Variants in TEX264 observed in about 807,000 individuals in gnomAD.
TEX264 encodes testis-expressed protein 264.
In TEX264, 13 loss-of-function variants were observed where a neutral mutation model predicts 23.4. The ratio of observed to expected loss-of-function variants is 0.56; its 90% CI spans 0.36 to 0.88. TEX264 has a LOEUF of 0.88. Among genes scored for constraint, TEX264 ranks in the 40% least tolerant of loss-of-function variants. The pLI is 0.01. For synonymous variants in TEX264, 159 were observed against 170.0 expected (o/e 0.94, Z 0.50); for missense variants, 340 against 406.8 (o/e 0.84, Z 1.41).
At chr3:51,680,061 C>T (rs1301717916) in intron 2 of TEX264, among the ~76,000 whole-genome samples, 2 of 152,146 alleles carry the variant, frequency 1.3e-5, no homozygotes, top group Non-Finnish European at 2.9e-5. Context: ...AATGAAGGGC[C>T]CTGCCTCTAC....
intron 3 of TEX264, 120 bp from the exon 4 acceptor site, chr3:51,699,286 T>G (rs1273847784): frequency 5.7e-6 from 6 of 1,049,042 alleles, no homozygotes; most frequent in Non-Finnish European, 7.0e-6. Context: ...TGGAAGAGGT[T>G]GAGAGGCAGA....
chr3:51,699,627 G>A, intron 4 of TEX264, 53 bp downstream of exon 4: 8 of 1,589,298 alleles, frequency 5.0e-6, no homozygotes, highest in Non-Finnish European at 6.9e-6. Context: ...CTCTCTTCTG[G>A]ACTCCAGGGG....
chr3:51,676,595 C>T (rs1260194501), intron 2 of TEX264, among the ~76,000 whole-genome samples: 3 of 152,236 alleles, frequency 2.0e-5, no homozygotes, highest in African/African-American at 7.2e-5. Flanking sequence ...CATCACTGTC[C>T]TGCTGAGTGA....
chr3:51,675,388 C>G (rs1019711506), intron 2 of TEX264, among the ~76,000 whole-genome samples: 6 of 152,142 alleles, frequency 3.9e-5, no homozygotes, highest in Admixed American at 2.6e-4. Context: ...ATTTGGAATC[C>G]CCAGCTCTGA....
Position 51,689,939 on chromosome 3 carries a change from G to A in TEX264, c.480+5305G>A, listed in dbSNP as rs566466821. Reference sequence around the variant, plus strand: ...AGCTGCAGGTTGGAGTTCTCCTGGGGTGGTGGTGACTGAACTCCTGAGTGG... The same window carrying A: ...AGCTGCAGGTTGGAGTTCTCCTGGGATGGTGGTGACTGAACTCCTGAGTGG... On this transcript the variant is annotated intron_variant, in intron 3 of 4. Transcript: ENST00000341333. Among the ~76,000 whole-genome samples, 63 of 152,306 alleles carry A rather than the reference G, an allele frequency of 4.1e-4. No individual in the cohort carries two copies. In the South Asian group the frequency reaches 4.4e-3, roughly 11 times the overall value.
In TEX264 at chr3:51,691,272, G is replaced by A. The variant is rs1169384425; in HGVS notation, c.480+6638G>A. ...TCCACACCCTCAGTGAGGCAGAGGCGGTTCTATTCCCAGGCTTCCCTCCCT... is the reference window on the plus strand; with the variant it reads ...TCCACACCCTCAGTGAGGCAGAGGCAGTTCTATTCCCAGGCTTCCCTCCCT... On this transcript the variant is annotated intron_variant, in intron 3 of 4. Coordinates refer to ENST00000341333, the MANE Select transcript of TEX264 (RefSeq NM_015926.6). This position sits in a 1 kb window ranked among gnomAD's most constrained non-coding sequence, Gnocchi z 4.4. Among the ~76,000 whole-genome samples, 1 of 152,200 alleles carries A rather than the reference G, an allele frequency of 6.6e-6. No individual in the cohort carries two copies. The highest frequency in any genetic ancestry group is 2.1e-4 in the South Asian group (1 of 4,836).
At chr3:51,694,119 C>CCTTT (rs1171364638) in intron 3 of TEX264, among the ~76,000 whole-genome samples, 5 of 148,556 alleles carry the variant, frequency 3.4e-5, no homozygotes, top group Non-Finnish European at 7.5e-5. Context: ...TTCCTTCCTT[C>CCTTT]CTTCCTTCCT....
chr3:51,695,063 G>T (rs974831988), intron 3 of TEX264, among the ~76,000 whole-genome samples: 2 of 152,222 alleles, frequency 1.3e-5, no homozygotes, highest in African/African-American at 4.8e-5. Flanking sequence ...CTGTGTGCAG[G>T]CAGGTGCATG....
intron 2 of TEX264, among the ~76,000 whole-genome samples, chr3:51,679,079 G>A (rs1250517977): frequency 6.6e-6 from 1 of 152,182 alleles, no homozygotes; most frequent in African/African-American, 2.4e-5. Flanking sequence ...TTGAGGTGAG[G>A]TGAGACGAGG....
chr3:51,693,572 C>T (rs543524657), intron 3 of TEX264, among the ~76,000 whole-genome samples: 7 of 151,800 alleles, frequency 4.6e-5, no homozygotes, highest in African/African-American at 1.2e-4. Context: ...CTCTGCCTCC[C>T]GGATTCAAGC....
intron 3 of TEX264, 22 bp from the exon 4 acceptor site, chr3:51,699,384 C>A: frequency 6.2e-7 from 1 of 1,611,384 alleles, no homozygotes; most frequent in East Asian, 2.2e-5. Context: ...GCTCATTCTA[C>A]CTTTTGCCAC....
chr3:51,703,979 T>A lies in TEX264; in HGVS notation c.905T>A (p.Leu302His), dbSNP rs61737032. 1 of 1,555,116 alleles carries A rather than the reference T, an allele frequency of 6.4e-7. No individual in the cohort carries two copies. The highest frequency in any genetic ancestry group is 2.3e-5 in the East Asian group (1 of 43,986). The change falls in exon 5 of 5, where the codon CTC (leucine) becomes CAC (histidine). Residue 302 changes from leucine (L) to histidine (H), a missense_variant. By Grantham distance (99) the Leu-to-His change is moderately conservative. Coordinates refer to ENST00000341333, the MANE Select transcript of TEX264 (RefSeq NM_015926.6). This position sits in a 1 kb window ranked among gnomAD's most constrained non-coding sequence, Gnocchi z 4.8. The part of the protein sequence containing the change: ...GTEPLGTTKW[L>H]WEPTAPEKGK... ...GAGCCCCTGGGGACTACCAAGTGGC[T>A]CTGGGAGCCCACTGCCCCTGAGAAG...
Position 51,674,281 on chromosome 3 carries a change from G to C in TEX264, c.-24G>C. Reference sequence around the variant, plus strand: ...CTTTCTCCTTTGCAGCTGCCTTGAGGTGCAGTGTTGGGGATCCAGAGCCAT... The same window carrying C: ...CTTTCTCCTTTGCAGCTGCCTTGAGCTGCAGTGTTGGGGATCCAGAGCCAT... On this transcript the variant is annotated 5_prime_UTR_variant, in exon 2 of 5. Coordinates refer to ENST00000341333, the MANE Select transcript of TEX264 (RefSeq NM_015926.6). 2 of 1,613,552 alleles carry C rather than the reference G, an allele frequency of 1.2e-6. No individual in the cohort carries two copies. Among genetic ancestry groups the C allele is most frequent in the Non-Finnish European group, 1.7e-6 (2 of 1,179,478 alleles).
chr3:51,699,699 A>T (rs1703212640), intron 4 of TEX264, 125 bp downstream of exon 4: 1 of 1,159,662 alleles, frequency 8.6e-7, no homozygotes. Context: ...TATGCTTGGC[A>T]GAGGGAGGAA....
Position 51,704,223 on chromosome 3 carries a change from C to A in TEX264, c.*207C>A. The A allele has an allele frequency of 2.3e-6, 1 of 428,026 alleles. No homozygotes were observed. Among genetic ancestry groups the A allele is most frequent in the Non-Finnish European group, 4.0e-6 (1 of 252,442 alleles). The allele number at this position is 428,026 out of a possible 1,614,324, so 26.5% of individuals were successfully genotyped here. A position where few individuals can be genotyped will look rare whatever the true frequency, so the allele number is the denominator to read the frequency against. On this transcript the variant is annotated 3_prime_UTR_variant, in exon 5 of 5. Transcript: ENST00000341333. ...AGGAGCCAGGGACTATTTTCTGCAC[C>A]AGCCCCCAGGGCTGCCACCCCTGTT...
chr3:51,696,682 CA>C, intron 3 of TEX264, among the ~76,000 whole-genome samples: 1 of 152,220 alleles, frequency 6.6e-6, no homozygotes, highest in Non-Finnish European at 1.5e-5. Flanking sequence ...CAGGAAGGGC[CA>C]GGGGGCAACT....
rs567110581 is a variant in TEX264, at chr3:51,674,439, C to T, written c.135C>T (p.Asn45=). The T allele has an allele frequency of 1.3e-5, 21 of 1,614,220 alleles. No individual in the cohort carries two copies. Among genetic ancestry groups the T allele is most frequent in the Middle Eastern group, 1.6e-4 (1 of 6,062 alleles). ...GTGCTGGGTCACCCCCCATCCGCAA[C>T]GTCACTGTGGCCTACAAGTTCCACA... The part of the protein sequence containing the change: ...EVSAGSPPIR[N]VTVAYKFHMG... The change falls in exon 2 of 5, where the codon AAC becomes AAT. Residue 45 remains asparagine (N), a synonymous_variant. Coordinates refer to ENST00000341333, the MANE Select transcript of TEX264 (RefSeq NM_015926.6).
chr3:51,685,418 C>T (rs141226006), intron 3 of TEX264, among the ~76,000 whole-genome samples: 27 of 152,304 alleles, frequency 1.8e-4, no homozygotes, highest in African/African-American at 6.0e-4. Context: ...ATGAAACAGC[C>T]ATTCACAGTG....
chr3:51,690,672 CTT>C (rs142166323), intron 3 of TEX264, among the ~76,000 whole-genome samples: 164 of 152,148 alleles, frequency 1.1e-3, no homozygotes, highest in South Asian at 3.9e-3. Context: ...AGCTTCCAAA[CTT>C]TATTTTTAAC....
Sources: gnomAD v4.1 joint callset for allele counts (sites outside exome capture counted in the v4.1 genomes callset) on GRCh38, gnomAD v4.1.1 for gene constraint, Gnocchi (gnomAD v3.1) non-coding constraint, MANE v1.5 for transcripts, NCBI Gene and HGNC (gene_info 2026-07-23, HGNC 2026-07-21) for gene names.